Variants in STRIP2 observed in about 807,000 individuals in gnomAD.
The protein encoded by STRIP2 is striatin interacting protein 2.
STRIP2 carries 84 observed loss-of-function variants against 107.1 expected under a neutral mutation model. That is an observed-to-expected ratio of 0.78 (90% confidence interval 0.66 to 0.94). STRIP2 has a LOEUF of 0.94. Among genes scored for constraint, STRIP2 ranks in the 40% least tolerant of loss-of-function variants. The pLI is 0.00. For missense variants in STRIP2, 888 were observed against 1,034.2 expected (o/e 0.86, Z 1.94); for synonymous variants, 394 against 400.4 (o/e 0.98, Z 0.19).
At chr7:129,443,229 AG>A (rs1797948802) in intron 2 of STRIP2, among the ~76,000 whole-genome samples, 1 of 151,990 alleles carries the variant, frequency 6.6e-6, no homozygotes, top group Admixed American at 6.6e-5. Context: ...TTGTAGAGAT[AG>A]GGTCATGCTA....
chr7:129,464,825 C>T, intron 16 of STRIP2, 87 bp downstream of exon 16: 3 of 1,534,898 alleles, frequency 2.0e-6, no homozygotes, highest in South Asian at 1.2e-5. Flanking sequence ...CCCTTTTAAT[C>T]CTGATGAGCA....
chr7:129,477,057 CGCAGGCACTCG>C (rs1003431289), intron 18 of STRIP2, among the ~76,000 whole-genome samples: 4 of 151,366 alleles, frequency 2.6e-5, no homozygotes, highest in Non-Finnish European at 5.9e-5. Context: ...CGCCTGCAAT[CGCAGGCACTCG>C]GCAGGCTGAG....
intron 11 of STRIP2, 67 bp from the exon 12 acceptor site, chr7:129,459,450 G>T (rs1394766287): frequency 3.0e-6 from 4 of 1,326,274 alleles, no homozygotes; most frequent in Non-Finnish European, 3.3e-6. Context: ...ACTCTAGGGG[G>T]GTATTGGGGT....
chr7:129,451,030 G>A (rs376540326), intron 3 of STRIP2, among the ~76,000 whole-genome samples: 11 of 127,706 alleles, frequency 8.6e-5, no homozygotes, highest in Non-Finnish European at 1.6e-4. Flanking sequence ...TCCGCCTCCC[G>A]GGTTCACGCC....
chr7:129,448,939 C>A (rs1023037527), intron 3 of STRIP2, among the ~76,000 whole-genome samples: 2 of 152,200 alleles, frequency 1.3e-5, no homozygotes, highest in African/African-American at 4.8e-5. Flanking sequence ...TGGACCCTCC[C>A]AGCTGGGATG....
Position 129,460,352 on chromosome 7 carries a change from G to T in STRIP2, c.1456G>T (p.Glu486Ter), listed in dbSNP as rs1379928760. Residue 486 changes from glutamate (E) to a stop codon, truncating the protein, a stop_gained, in exon 13 of 21, where the codon GAG becomes TAG. Transcript: ENST00000249344. LOFTEE classifies it high-confidence loss of function. The part of the protein sequence containing the change: ...DVQIKNEEEL[E>*]KCPMSLGEEV... ...GCAGATCAAGAATGAAGAGGAGCTGGAGAAGTGCCCTATGTCTTTGGTGAG... is the reference window on the plus strand; with the variant it reads ...GCAGATCAAGAATGAAGAGGAGCTGTAGAAGTGCCCTATGTCTTTGGTGAG... 6.2e-7 allele frequency: 1 copy of T among 1,613,834 alleles called. No homozygotes were observed. Among genetic ancestry groups the T allele is most frequent in the African/African-American group, 1.3e-5 (1 of 74,916 alleles).
Position 129,483,160 on chromosome 7 carries a change from A to C in STRIP2, c.2254+114A>C. ...AATTGTTACATATTTTAGATGAAAA[A>C]ATATGTGATTATAGGTCAGGCGCTG... is the stretch of plus-strand genomic sequence containing the variant. On this transcript the variant is annotated intron_variant, in intron 20 of 20. Coordinates refer to ENST00000249344, the MANE Select transcript of STRIP2 (RefSeq NM_020704.3). The surrounding 1 kb of genome is among the most constrained non-coding windows in gnomAD (Gnocchi z 5.1). The C allele has an allele frequency of 6.8e-7, 1 of 1,473,490 alleles. No individual in the cohort carries two copies. Among genetic ancestry groups the C allele is most frequent in the Non-Finnish European group, 9.0e-7 (1 of 1,111,938 alleles). 91.3% of individuals were successfully genotyped at this position (1,473,490 alleles called of 1,614,324 possible). A position where few individuals can be genotyped will look rare whatever the true frequency, so the allele number is the denominator to read the frequency against.
chr7:129,450,294 C>T (rs1158158116), intron 3 of STRIP2, among the ~76,000 whole-genome samples: 1 of 152,018 alleles, frequency 6.6e-6, no homozygotes, highest in African/African-American at 2.4e-5. Context: ...ATATATTAAC[C>T]TTCACACCCT....
At chr7:129,485,472 A>AAAG in intron 20 of STRIP2, 107 bp from the exon 21 acceptor site, 1 of 1,255,198 alleles carries the variant, frequency 8.0e-7, no homozygotes, top group Non-Finnish European at 1.1e-6. Context: ...AAAAAAAAAA[A>AAAG]GAATTTCTGA....
chr7:129,440,235 C>A, intron 2 of STRIP2, 144 bp downstream of exon 2: 1 of 661,644 alleles, frequency 1.5e-6, no homozygotes, highest in Non-Finnish European at 2.7e-6. Context: ...CCTCTCCATC[C>A]AAGTGGTAAA....
intron 7 of STRIP2, 146 bp from the exon 8 acceptor site, chr7:129,455,098 C>A: frequency 2.0e-6 from 2 of 1,007,300 alleles, no homozygotes; most frequent in Non-Finnish European, 1.4e-6. Context: ...CTTCTGGGGG[C>A]TAAGCCTCCT....
chr7:129,451,716 G>T lies in STRIP2; in HGVS notation c.378G>T (p.Lys126Asn). The part of the protein sequence containing the change: ...LEVVSRERRL[K>N]VARAVLYLAQ... ...TGGTCAGTAGGGAACGGCGGCTGAA[G>T]GTGGCCCGGGCTGTTCTCTACCTGG... The change falls in exon 4 of 21, where the codon AAG becomes AAT. Residue 126 changes from lysine (K) to asparagine (N), a missense_variant. Coordinates refer to ENST00000249344, the MANE Select transcript of STRIP2 (RefSeq NM_020704.3). 2 of 1,613,964 alleles carry T rather than the reference G, an allele frequency of 1.2e-6. No individual in the cohort carries two copies. The highest frequency in any genetic ancestry group is 1.7e-6 in the Non-Finnish European group (2 of 1,180,034).
At chr7:129,474,041 A>G (rs1562914798) in intron 18 of STRIP2, among the ~76,000 whole-genome samples, 1 of 152,140 alleles carries the variant, frequency 6.6e-6, no homozygotes, top group Non-Finnish European at 1.5e-5. Flanking sequence ...TAATAGTTAC[A>G]CATAATATTC....
At chr7:129,439,141 T>C (rs1315982475) in intron 1 of STRIP2, among the ~76,000 whole-genome samples, 1 of 152,188 alleles carries the variant, frequency 6.6e-6, no homozygotes. Context: ...GCTCCGTCTT[T>C]CCTAACATAA....
intron 12 of STRIP2, among the ~76,000 whole-genome samples, chr7:129,460,096 A>T (rs1798488080): frequency 6.6e-6 from 1 of 152,056 alleles, no homozygotes; most frequent in Non-Finnish European, 1.5e-5. Context: ...ACAGAATTTT[A>T]AAAAAACACT....
intron 16 of STRIP2, among the ~76,000 whole-genome samples, chr7:129,465,835 GC>G (rs1798658020): frequency 6.6e-6 from 1 of 152,090 alleles, no homozygotes; most frequent in Non-Finnish European, 1.5e-5. Flanking sequence ...TCTCATTTTT[GC>G]CCAGAGGCTC....
rs139658032 is a variant in STRIP2, at chr7:129,487,606, G to A, written c.*1777G>A. The stretch of plus-strand genomic sequence containing the variant: ...TAGGTCTTGGAGAATGTTAAGTAAT[G>A]GATGAAACTTTTTAAAATAATTTGT... On this transcript the variant is annotated 3_prime_UTR_variant, in exon 21 of 21. Coordinates refer to ENST00000249344, the MANE Select transcript of STRIP2 (RefSeq NM_020704.3). 16 of 152,254 alleles carry A rather than the reference G, an allele frequency of 1.1e-4. No homozygotes were observed. Among genetic ancestry groups the A allele is most frequent in the African/African-American group, 3.4e-4 (14 of 41,564 alleles). The allele number at this position is 152,254 out of a possible 1,614,324, so 9.4% of individuals were successfully genotyped here.
intron 17 of STRIP2, among the ~76,000 whole-genome samples, 159 bp downstream of exon 17, chr7:129,467,609 G>A (rs1458061510): frequency 6.6e-6 from 1 of 152,144 alleles, no homozygotes; most frequent in African/African-American, 2.4e-5. Flanking sequence ...AGCTGATGGA[G>A]TGTATAGTTT....
chr7:129,456,765 C>A, intron 9 of STRIP2, 123 bp downstream of exon 9: 1 of 848,246 alleles, frequency 1.2e-6, no homozygotes, highest in Non-Finnish European at 1.8e-6. Context: ...CAGGTTGGCC[C>A]TATGACCAAC....
Sources: allele counts gnomAD v4.1 joint callset (sites outside exome capture counted in the v4.1 genomes callset), GRCh38; gene constraint gnomAD v4.1.1; non-coding constraint Gnocchi (gnomAD v3.1); transcripts MANE v1.5; gene names NCBI Gene and HGNC (gene_info 2026-07-23, HGNC 2026-07-21).